The following ALDH4A1 variants were observed in gnomAD, a reference collection of about 807,000 sequenced individuals.
The protein encoded by ALDH4A1 is delta-1-pyrroline-5-carboxylate dehydrogenase, mitochondrial.
Under a neutral mutation model 70.5 loss-of-function variants are expected in ALDH4A1, and 46 were observed. The observed-to-expected ratio is 0.65, with a 90% confidence interval of 0.51 to 0.83. ALDH4A1 has a LOEUF of 0.83. ALDH4A1 is among the 40% of genes least tolerant of loss of function. The probability of loss-of-function intolerance (pLI) is 0.00; values close to 1 mark genes in which losing one functional copy is unlikely to be tolerated. For synonymous variants in ALDH4A1, 323 were observed against 324.3 expected (o/e 1.00, Z 0.04); for missense variants, 749 against 766.5 (o/e 0.98, Z 0.27).
chr1:18,877,671 G>A (rs1040143488), intron 9 of ALDH4A1, 59 bp from the exon 10 acceptor site: 12 of 1,453,160 alleles, frequency 8.3e-6, no homozygotes, highest in Non-Finnish European at 1.1e-5. Flanking sequence ...GTTGCCCAGG[G>A]GCCCAAAACA....
Position 18,876,410 on chromosome 1 carries a change from T to C in ALDH4A1, c.1243A>G (p.Ile415Val), listed in dbSNP as rs140255852. ...TCATCACACTTGCCCCCGGCCAGGA[T>C]GGTGAGGCTGGGTGAGGAGCGTGCG... ...EHARSSPSLT[I>V]LAGGKCDDSV... is the part of the protein sequence containing the mutation. Residue 415 changes from isoleucine (I) to valine (V), a missense_variant, in exon 12 of 15, where the codon ATC becomes GTC. Transcript: ENST00000375341. 3 of 1,612,942 alleles carry C rather than the reference T, an allele frequency of 1.9e-6. No individual in the cohort carries two copies. The highest frequency in any genetic ancestry group is 1.7e-6 in the Non-Finnish European group (2 of 1,179,656).
chr1:18,876,466 G>C lies in ALDH4A1; in HGVS notation c.1187C>G (p.Ser396Cys). The C allele has an allele frequency of 6.3e-7, 1 of 1,590,080 alleles. No individual in the cohort carries two copies. The highest frequency in any genetic ancestry group is 8.5e-7 in the Non-Finnish European group (1 of 1,170,970). The stretch of plus-strand genomic sequence containing the variant: ...CAGCCACTTCTTGATACGGGCAAAG[G>C]ACTGGGGTGGGCAGGGAGGAGGGAG... ...TFFSAVIDAK[S>C]FARIKKWLEH... Residue 396 changes from serine (S) to cysteine (C), a missense_variant and splice_region_variant, in exon 12 of 15, where the codon TCC becomes TGC. Coordinates refer to ENST00000375341, the MANE Select transcript of ALDH4A1 (RefSeq NM_003748.4).
Position 18,883,325 on chromosome 1 carries a change from A to G in ALDH4A1, c.557T>C (p.Ile186Thr), listed in dbSNP as rs375023861. 1.9e-5 allele frequency: 31 copies of G among 1,613,184 alleles called. No individual in the cohort carries two copies. In the African/African-American group the frequency reaches 2.7e-4, roughly 14 times the overall value. Residue 186 changes from isoleucine to threonine, a missense_variant, in exon 6 of 15, where the codon ATC becomes ACC. Physicochemically the swap from Ile to Thr is moderately conservative, Grantham distance 89. Transcript: ENST00000375341. ...YAVELEGQQP[I>T]SVPPSTNSTV... ...GCTGTTGGTGCTCGGGGGCACGCTGATGGGCTGCTGCCCCTCCAGCTCCAC... is the reference window on the plus strand; with the variant it reads ...GCTGTTGGTGCTCGGGGGCACGCTGGTGGGCTGCTGCCCCTCCAGCTCCAC...
At chr1:18,893,652 G>A (rs1270230920) in intron 1 of ALDH4A1, among the ~76,000 whole-genome samples, 2 of 151,992 alleles carry the variant, frequency 1.3e-5, no homozygotes, top group Non-Finnish European at 2.9e-5. Context: ...ACAGGTGCCC[G>A]CCACCACACC....
Position 18,881,808 on chromosome 1 carries a change from C to G in ALDH4A1, c.758G>C (p.Gly253Ala). Residue 253 changes from glycine to alanine, a missense_variant, in exon 8 of 15, where the codon GGC becomes GCC. Transcript: ENST00000375341. ...AAACTGGATGATGTTGGGGGGCAGG[C>G]CAGCCTCCCGAAGGATGCGGTAGAC... The part of the protein sequence containing the change: ...YAVYRILREA[G>A]LPPNIIQFVP... The G allele has an allele frequency of 6.2e-7, 1 of 1,613,936 alleles. No individual in the cohort carries two copies. The highest frequency in any genetic ancestry group is 8.5e-7 in the Non-Finnish European group (1 of 1,180,032).
chr1:18,892,818 G>T (rs535004312), intron 1 of ALDH4A1, among the ~76,000 whole-genome samples: 1 of 152,144 alleles, frequency 6.6e-6, no homozygotes, highest in Non-Finnish European at 1.5e-5. Flanking sequence ...CCCTCATGGG[G>T]TTAATATGGA....
At chr1:18,882,018 T>G in intron 7 of ALDH4A1, 131 bp from the exon 8 acceptor site, 2 of 905,150 alleles carry the variant, frequency 2.2e-6, no homozygotes, top group Non-Finnish European at 1.7e-6. Flanking sequence ...GGACATCCCC[T>G]ACCCGACCCC....
chr1:18,889,576 G>T, intron 2 of ALDH4A1, 122 bp from the exon 3 acceptor site: 2 of 884,234 alleles, frequency 2.3e-6, no homozygotes, highest in Non-Finnish European at 3.6e-6. Flanking sequence ...AGGGGGCCAG[G>T]CCAGGTCGGT....
chr1:18,889,716 C>T (rs1228400052), intron 2 of ALDH4A1, among the ~76,000 whole-genome samples: 2 of 152,228 alleles, frequency 1.3e-5, no homozygotes, highest in East Asian at 3.8e-4. Context: ...TATATGAAAT[C>T]TCATGATTTT....
intron 12 of ALDH4A1, 80 bp downstream of exon 12, chr1:18,876,235 T>C: frequency 6.4e-7 from 1 of 1,551,366 alleles, no homozygotes; most frequent in Non-Finnish European, 8.8e-7. Context: ...AATGGGAGAA[T>C]GTCTCCAGGA....
In ALDH4A1 at chr1:18,879,288, G is replaced by C; in HGVS notation, c.940+12C>G. On this transcript the variant is annotated intron_variant, in intron 9 of 14. Coordinates refer to ENST00000375341, the MANE Select transcript of ALDH4A1 (RefSeq NM_003748.4). ...GGGGCCACACGGGAGGAGGAGGTGA[G>C]GCAGGCCTTACCTCCAGCCAGGCGT... 6.2e-7 allele frequency: 1 copy of C among 1,602,422 alleles called. No homozygotes were observed. Among genetic ancestry groups the C allele is most frequent in the South Asian group, 1.1e-5 (1 of 88,816 alleles).
chr1:18,890,115 A>G lies in ALDH4A1; in HGVS notation c.63-10T>C, dbSNP rs368477836. On this transcript the variant is annotated splice_polypyrimidine_tract_variant and intron_variant, in intron 1 of 14. Coordinates refer to ENST00000375341, the MANE Select transcript of ALDH4A1 (RefSeq NM_003748.4). ...GTGCTTCCACCGCAGGCTGGAACAC[A>G]AGGGCAGGGGACAGAGGCAGAGAGG... 1 of 1,606,648 alleles carries G rather than the reference A, an allele frequency of 6.2e-7. No homozygotes were observed. The highest frequency in any genetic ancestry group is 1.3e-5 in the African/African-American group (1 of 74,914).
At chr1:18,900,180 A>T (rs563592693) in intron 1 of ALDH4A1, among the ~76,000 whole-genome samples, 1 of 152,308 alleles carries the variant, frequency 6.6e-6, no homozygotes, top group South Asian at 2.1e-4. Context: ...GGTATTTTTT[A>T]AAACTAGCAG....
At position 18,872,608 on chromosome 1, in the gene ALDH4A1, AC is replaced by A; in HGVS notation, c.*236del. On this transcript the variant is annotated 3_prime_UTR_variant, in exon 15 of 15. Coordinates refer to ENST00000375341, the MANE Select transcript of ALDH4A1 (RefSeq NM_003748.4). ...AGAACCTGCCAGGCACCAGGGTCATACCTCCCACATGGCCGATGGGATAAGG... is the reference window on the plus strand; with the variant it reads ...AGAACCTGCCAGGCACCAGGGTCATACTCCCACATGGCCGATGGGATAAGG... 1 of 436,370 alleles carries A rather than the reference AC, an allele frequency of 2.3e-6. No individual in the cohort carries two copies. 27.0% of individuals were successfully genotyped at this position (436,370 alleles called of 1,614,324 possible).
Position 18,872,840 on chromosome 1 carries a change from G to A in ALDH4A1, c.*5C>T. On this transcript the variant is annotated 3_prime_UTR_variant, in exon 15 of 15. Coordinates refer to ENST00000375341, the MANE Select transcript of ALDH4A1 (RefSeq NM_003748.4). ...GACAGCTGGACGGTGGAGCCCGAGA[G>A]GGGCTCACTGCATGTACGCGTAGCT... The A allele has an allele frequency of 6.2e-7, 1 of 1,609,560 alleles. No homozygotes were observed. The highest frequency in any genetic ancestry group is 1.1e-5 in the South Asian group (1 of 90,984).
At chr1:18,888,105 C>A (rs1397815850) in intron 3 of ALDH4A1, among the ~76,000 whole-genome samples, 1 of 152,262 alleles carries the variant, frequency 6.6e-6, no homozygotes, top group Non-Finnish European at 1.5e-5. Flanking sequence ...ACATGCTCAA[C>A]AACCACACGT....
chr1:18,895,433 T>A (rs1212048531), intron 1 of ALDH4A1, among the ~76,000 whole-genome samples: 1 of 152,176 alleles, frequency 6.6e-6, no homozygotes, highest in African/African-American at 2.4e-5. Context: ...ACGAAGGCCA[T>A]GTACCGTTTC....
Position 18,872,569 on chromosome 1 carries a change from T to G in ALDH4A1, c.*276A>C. On this transcript the variant is annotated 3_prime_UTR_variant, in exon 15 of 15. Coordinates refer to ENST00000375341, the MANE Select transcript of ALDH4A1 (RefSeq NM_003748.4). Reference sequence around the variant, plus strand: ...CAGGTCCCTGAGCCACTGGGCCCAGTGGAGGGCAGAGGGAGAACCTGCCAG... The same window carrying G: ...CAGGTCCCTGAGCCACTGGGCCCAGGGGAGGGCAGAGGGAGAACCTGCCAG... 3.0e-6 allele frequency: 1 copy of G among 336,940 alleles called. No individual in the cohort carries two copies. Among genetic ancestry groups the G allele is most frequent in the Non-Finnish European group, 5.5e-6 (1 of 181,742 alleles). The allele number at this position is 336,940 out of a possible 1,614,324, so 20.9% of individuals were successfully genotyped here.
At chr1:18,881,139 T>C (rs1047718581) in intron 8 of ALDH4A1, among the ~76,000 whole-genome samples, 3 of 152,076 alleles carry the variant, frequency 2.0e-5, no homozygotes, top group African/African-American at 7.2e-5. Flanking sequence ...ACTCAAACCA[T>C]GCCCTGCCCT....
Sources: allele counts gnomAD v4.1 joint callset (sites outside exome capture counted in the v4.1 genomes callset), GRCh38; gene constraint gnomAD v4.1.1; transcripts MANE v1.5; gene names NCBI Gene and HGNC (gene_info 2026-07-23, HGNC 2026-07-21).